The following SP3 variants were observed in gnomAD, a reference collection of about 807,000 sequenced individuals.
SP3 encodes transcription factor Sp3.
In SP3, 10 loss-of-function variants were observed where a neutral mutation model predicts 70.3. That is an observed-to-expected ratio of 0.14 (90% confidence interval 0.09 to 0.24). The LOEUF is 0.24. Among genes scored for constraint, SP3 ranks in the 10% least tolerant of loss-of-function variants. SP3 has a pLI of 1.00. For synonymous variants in SP3, 402 were observed against 333.5 expected (o/e 1.21, Z -2.24); for missense variants, 825 against 914.6 (o/e 0.90, Z 1.26).
rs776883812 is a variant in SP3, at chr2:173,964,439, C to G, written c.122G>C (p.Gly41Ala). Reference protein sequence around the residue: ...GEYLQQQQQHGNGAVAAAAAA... With the variant: ...GEYLQQQQQHANGAVAAAAAA... ...CGCTGCCGCCGCCACCGCACCGTTT[C>G]CGTGCTGTTGCTGCTGCTGCAGATA... Residue 41 changes from glycine to alanine, a missense_variant, in exon 2 of 7, where the codon GGA becomes GCA. This residue lies in a region of SP3 where 678 missense variants were observed against 651.6 expected (regional missense o/e 1.04). Transcript: ENST00000310015. The G allele has an allele frequency of 1.4e-5, 10 of 736,466 alleles. No homozygotes were observed. The highest frequency in any genetic ancestry group is 2.7e-4 in the Middle Eastern group (1 of 3,678). 45.6% of individuals were successfully genotyped at this position (736,466 alleles called of 1,614,324 possible).
At chr2:173,937,462 C>CA (rs1173897301) in intron 4 of SP3, among the ~76,000 whole-genome samples, 1 of 152,068 alleles carries the variant, frequency 6.6e-6, no homozygotes, top group Non-Finnish European at 1.5e-5. Flanking sequence ...AGTAAGTATA[C>CA]AAACCCTGCC....
chr2:173,934,108 G>A (rs1484862049), intron 4 of SP3, among the ~76,000 whole-genome samples: 2 of 151,706 alleles, frequency 1.3e-5, no homozygotes, highest in Non-Finnish European at 2.9e-5. Flanking sequence ...GGCACAGTGC[G>A]GGGCACCTGT....
rs1271572871 is a variant in SP3 at position 173,908,510 on chromosome 2, T to C, written c.*1431A>G. On this transcript the variant is annotated 3_prime_UTR_variant, in exon 7 of 7. Transcript: ENST00000310015. ...CCCCATACCACTGCAATATTTTTTA[T>C]GCATAGGAATACAACAAACTCAAAA... 1.3e-5 allele frequency: 2 copies of C among 152,446 alleles called. No homozygotes were observed. The highest frequency in any genetic ancestry group is 2.4e-5 in the African/African-American group (1 of 41,430). The allele number at this position is 152,446 out of a possible 1,614,324, so 9.4% of individuals were successfully genotyped here.
At chr2:173,925,474 A>C (rs925505278) in intron 4 of SP3, among the ~76,000 whole-genome samples, 1 of 152,212 alleles carries the variant, frequency 6.6e-6, no homozygotes, top group Non-Finnish European at 1.5e-5. Flanking sequence ...GCAAGATGAA[A>C]AATTCTAGAG....
chr2:173,958,613 G>A (rs1475463601), intron 3 of SP3, among the ~76,000 whole-genome samples: 6 of 148,906 alleles, frequency 4.0e-5, no homozygotes, highest in South Asian at 4.2e-4. Context: ...GTAATTTAAG[G>A]AAAAGAATCA....
At chr2:173,961,909 C>G (rs1325233645) in intron 3 of SP3, among the ~76,000 whole-genome samples, 1 of 148,758 alleles carries the variant, frequency 6.7e-6, no homozygotes, top group African/African-American at 2.5e-5. Flanking sequence ...GGTGCAGGTA[C>G]CAGACATCAT....
chr2:173,964,196 C>G, intron 2 of SP3: 1 of 463,644 alleles, frequency 2.2e-6, no homozygotes, highest in Admixed American at 4.5e-5. Flanking sequence ...CACACGCGCA[C>G]AAAAAGGCGG....
In SP3 at chr2:173,955,845, TAGC is replaced by T. The variant is rs1690866774; in HGVS notation, c.664_666del (p.Ala222del). ...GTCTGTGGTATGAGATTCTGGATGT[TAGC>T]AGAAGGTGTTCCAGAGGCAAGTAAG... On this transcript the variant is annotated inframe_deletion, in exon 4 of 7. Transcript: ENST00000310015. 1 of 1,614,246 alleles carries T rather than the reference TAGC, an allele frequency of 6.2e-7. No homozygotes were observed. Among genetic ancestry groups the T allele is most frequent in the Non-Finnish European group, 8.5e-7 (1 of 1,180,030 alleles).
chr2:173,911,588 T>C (rs1033990299), intron 6 of SP3, among the ~76,000 whole-genome samples: 1 of 152,158 alleles, frequency 6.6e-6, no homozygotes, highest in Non-Finnish European at 1.5e-5. Flanking sequence ...AAGGTACTTA[T>C]ACCCTCTTTG....
At chr2:173,940,840 A>C (rs1281107355) in intron 4 of SP3, among the ~76,000 whole-genome samples, 1 of 152,178 alleles carries the variant, frequency 6.6e-6, no homozygotes, top group Non-Finnish European at 1.5e-5. Context: ...AAAGGAAATA[A>C]GGAATAATCT....
At chr2:173,936,192 T>G (rs1230371426) in intron 4 of SP3, among the ~76,000 whole-genome samples, 1 of 152,018 alleles carries the variant, frequency 6.6e-6, no homozygotes, top group Non-Finnish European at 1.5e-5. Flanking sequence ...ACCTGGCTAA[T>G]TTTTTTCTAT....
chr2:173,955,182 T>C lies in SP3; in HGVS notation c.1330A>G (p.Asn444Asp), dbSNP rs2105498520. The C allele has an allele frequency of 6.2e-7, 1 of 1,614,142 alleles. No homozygotes were observed. Among genetic ancestry groups the C allele is most frequent in the Non-Finnish European group, 8.5e-7 (1 of 1,180,030 alleles). Residue 444 changes from asparagine to aspartate, a missense_variant, in exon 4 of 7, where the codon AAT becomes GAT. By Grantham distance (23) the Asn-to-Asp change is conservative (BLOSUM62 1). Coordinates refer to ENST00000310015, the MANE Select transcript of SP3 (RefSeq NM_003111.5). ...GCCTGAATTAAAAAGGTTCCAGGAT[T>C]CAGCTGCAACTGAAGATTTTGCAAA... ...QALQNLQLQLNPGTFLIQAQT... is the reference protein window; with the variant it reads ...QALQNLQLQLDPGTFLIQAQT...
At chr2:173,964,881 C>T (rs1423725043) in intron 1 of SP3, 1 of 505,518 alleles carries the variant, frequency 2.0e-6, no homozygotes, top group East Asian at 3.5e-5. Flanking sequence ...CCGTCAGTCA[C>T]TCACACACGC....
chr2:173,935,144 G>A (rs537525405), intron 4 of SP3, among the ~76,000 whole-genome samples: 1 of 152,160 alleles, frequency 6.6e-6, no homozygotes, highest in Non-Finnish European at 1.5e-5. Context: ...CGAGGCGGGA[G>A]AACTGACTGA....
At chr2:173,910,993 C>G (rs1159709970) in intron 6 of SP3, among the ~76,000 whole-genome samples, 1 of 152,164 alleles carries the variant, frequency 6.6e-6, no homozygotes, top group African/African-American at 2.4e-5. Context: ...AAAAGGAATT[C>G]AGAGAGAAAT....
intron 5 of SP3, chr2:173,916,709 T>TA (rs1430355658): frequency 6.6e-6 from 1 of 152,076 alleles, no homozygotes; most frequent in Non-Finnish European, 1.5e-5. Flanking sequence ...CACTGCTGGT[T>TA]AGAGTATAAA....
intron 4 of SP3, among the ~76,000 whole-genome samples, chr2:173,930,480 T>C (rs769626938): frequency 1.3e-5 from 2 of 152,244 alleles, no homozygotes; most frequent in Non-Finnish European, 2.9e-5. Flanking sequence ...CTGGACTCTG[T>C]ATTGCTTTTC....
At chr2:173,937,310 G>C (rs1041493988) in intron 4 of SP3, among the ~76,000 whole-genome samples, 7 of 152,226 alleles carry the variant, frequency 4.6e-5, no homozygotes, top group African/African-American at 1.7e-4. Flanking sequence ...GCAGTTTAGT[G>C]TGACTGGTTA....
chr2:173,959,045 T>C (rs1196274186), intron 3 of SP3, among the ~76,000 whole-genome samples: 3 of 152,192 alleles, frequency 2.0e-5, no homozygotes, highest in Non-Finnish European at 4.4e-5. Context: ...GTAAGATCAA[T>C]ATATATTTAC....
Sources: allele counts gnomAD v4.1 joint callset (sites outside exome capture counted in the v4.1 genomes callset), GRCh38; gene constraint gnomAD v4.1.1; regional missense constraint gnomAD v4.1.1; transcripts MANE v1.5; gene names NCBI Gene and HGNC (gene_info 2026-07-23, HGNC 2026-07-21).